The following DNMBP variants were observed in gnomAD, a reference collection of about 807,000 sequenced individuals.
The protein encoded by DNMBP is dynamin-binding protein.
DNMBP carries 87 observed loss-of-function variants against 150.0 expected under a neutral mutation model. That is an observed-to-expected ratio of 0.58 (90% confidence interval 0.49 to 0.69). The LOEUF (loss-of-function observed/expected upper bound fraction) is 0.69. DNMBP is among the 30% of genes least tolerant of loss of function. The pLI is 0.00. For missense variants in DNMBP, 1,774 were observed against 1,949.0 expected (o/e 0.91, Z 1.69); for synonymous variants, 711 against 750.4 (o/e 0.95, Z 0.86).
chr10:99,941,183 C>T (rs901184719), intron 4 of DNMBP, among the ~76,000 whole-genome samples: 14 of 152,038 alleles, frequency 9.2e-5, no homozygotes, highest in South Asian at 2.1e-4. Context: ...CCGCACCTGG[C>T]GTCACTTGCC....
intron 2 of DNMBP, 120 bp downstream of exon 2, chr10:99,971,860 C>CTTTCT (rs1554872038): frequency 1.8e-4 from 127 of 706,588 alleles, no homozygotes; most frequent in Non-Finnish European, 2.2e-4. Flanking sequence ...TTCTTTCTTT[C>CTTTCT]TTTTTTTTTT....
At chr10:99,937,644 T>TAC (rs1449303273) in intron 4 of DNMBP, among the ~76,000 whole-genome samples, 5 of 152,188 alleles carry the variant, frequency 3.3e-5, no homozygotes, top group African/African-American at 1.2e-4. Flanking sequence ...GCAAGCCATG[T>TAC]ACACCCCAAC....
chr10:99,970,963 C>A (rs1358327565), intron 2 of DNMBP, among the ~76,000 whole-genome samples: 17 of 57,950 alleles, frequency 2.9e-4, no homozygotes, highest in Non-Finnish European at 5.4e-4. Flanking sequence ...CAGAGCAAGA[C>A]TCCGTCTCAA....
intron 4 of DNMBP, among the ~76,000 whole-genome samples, chr10:99,947,565 TGGAG>T (rs551358082): frequency 0.017 from 1,838 of 111,038 alleles, 42 homozygotes; most frequent in African/African-American, 0.054. Context: ...TACAGGACAA[TGGAG>T]GGAGGGAGGG....
At chr10:99,877,837 C>T (rs1399537383) in intron 16 of DNMBP, among the ~76,000 whole-genome samples, 2 of 152,048 alleles carry the variant, frequency 1.3e-5, no homozygotes, top group East Asian at 3.9e-4. Flanking sequence ...GGACTCCAGA[C>T]CCTGGGCGAC....
At position 99,983,527 on chromosome 10, in the gene DNMBP, G is replaced by T. The variant is rs529936665; in HGVS notation, c.-10-11393C>A. ...AGCCAGGTTCCTCAGAGATTCTTCAGATAACTAGCAACAGATGAGGGAAAA... is the reference window on the plus strand; with the variant it reads ...AGCCAGGTTCCTCAGAGATTCTTCATATAACTAGCAACAGATGAGGGAAAA... On this transcript the variant is annotated intron_variant, in intron 1 of 16. Transcript: ENST00000324109. Among the ~76,000 whole-genome samples the T allele has an allele frequency of 1.6e-4, 24 of 152,210 alleles. 1 individual carries two copies. The highest frequency in any genetic ancestry group is 1.6e-3 in the Admixed American group (24 of 15,274).
chr10:99,967,729 A>G (rs954102692), intron 3 of DNMBP, among the ~76,000 whole-genome samples: 1 of 151,636 alleles, frequency 6.6e-6, no homozygotes, highest in Non-Finnish European at 1.5e-5. Context: ...TAAGAAATGA[A>G]GCCTGTCCCT....
intron 4 of DNMBP, among the ~76,000 whole-genome samples, chr10:99,948,511 A>G (rs1316528668): frequency 1.3e-5 from 2 of 152,188 alleles, no homozygotes; most frequent in African/African-American, 4.8e-5. Flanking sequence ...AGATTTTCCA[A>G]ATACTATGAC....
At chr10:99,936,937 C>T (rs554401911) in intron 4 of DNMBP, among the ~76,000 whole-genome samples, 1 of 152,044 alleles carries the variant, frequency 6.6e-6, no homozygotes, top group African/African-American at 2.4e-5. Flanking sequence ...GTTACTCTGT[C>T]ACCCAGGCTG....
chr10:99,960,233 A>G (rs1280627080), intron 3 of DNMBP, among the ~76,000 whole-genome samples: 4 of 152,196 alleles, frequency 2.6e-5, no homozygotes, highest in Non-Finnish European at 5.9e-5. Context: ...CTGTTTTATA[A>G]CAAACTCTTG....
intron 3 of DNMBP, among the ~76,000 whole-genome samples, chr10:99,967,691 G>T (rs1408516602): frequency 6.6e-6 from 1 of 151,236 alleles, no homozygotes; most frequent in African/African-American, 2.4e-5. Context: ...GTGTGTGTGT[G>T]TGTGTGTGGG....
chr10:99,904,304 A>G (rs2039790405), intron 6 of DNMBP, among the ~76,000 whole-genome samples: 1 of 152,130 alleles, frequency 6.6e-6, no homozygotes. Context: ...AGACATACAC[A>G]GAAACACACA....
At chr10:99,985,940 C>T (rs561460906) in intron 1 of DNMBP, among the ~76,000 whole-genome samples, 19 of 152,060 alleles carry the variant, frequency 1.2e-4, no homozygotes, top group Admixed American at 5.9e-4. Context: ...TTTGTAGAGA[C>T]GGGTTTCATC....
intron 13 of DNMBP, 99 bp downstream of exon 13, chr10:99,886,201 T>A: frequency 1.0e-6 from 1 of 993,350 alleles, no homozygotes; most frequent in Non-Finnish European, 1.5e-6. Context: ...TCAGTTTATC[T>A]AATTCAGATA....
chr10:99,966,379 T>C lies in DNMBP; in HGVS notation c.268+2736A>G, dbSNP rs189702298. Among the ~76,000 whole-genome samples, 199 of 152,354 alleles carry C rather than the reference T, an allele frequency of 1.3e-3. 1 individual carries two copies. The Middle Eastern group carries it at 0.017, about 13-fold the overall frequency. ...CATCTTTAAGCTTATTAGGCTTAAC[T>C]GGTTAAAAGGTAGTCAAGATAAAAT... On this transcript the variant is annotated intron_variant, in intron 3 of 16. Coordinates refer to ENST00000324109, the MANE Select transcript of DNMBP (RefSeq NM_015221.4).
intron 4 of DNMBP, among the ~76,000 whole-genome samples, chr10:99,919,356 T>C (rs2039997806): frequency 6.6e-6 from 1 of 152,238 alleles, no homozygotes; most frequent in East Asian, 1.9e-4. Context: ...TCCTACTCTA[T>C]AAAAATCACT....
intron 15 of DNMBP, among the ~76,000 whole-genome samples, chr10:99,881,707 T>C (rs887749899): frequency 2.6e-5 from 4 of 152,230 alleles, no homozygotes; most frequent in African/African-American, 9.6e-5. Context: ...ACCCCAGCAG[T>C]AGCTGTCACC....
At position 99,880,214 on chromosome 10, in the gene DNMBP, G is replaced by T; in HGVS notation, c.4145C>A (p.Thr1382Asn). 1 of 1,614,178 alleles carries T rather than the reference G, an allele frequency of 6.2e-7. No homozygotes were observed. Among genetic ancestry groups the T allele is most frequent in the Non-Finnish European group, 8.5e-7 (1 of 1,180,022 alleles). Residue 1382 changes from threonine (T) to asparagine (N), a missense_variant, in exon 16 of 17, where the codon ACC (threonine) becomes AAC (asparagine). This residue lies in a region of DNMBP where 1,430 missense variants were observed against 1,492.5 expected (regional missense o/e 0.96). Coordinates refer to ENST00000324109, the MANE Select transcript of DNMBP (RefSeq NM_015221.4). The part of the protein sequence containing the change: ...PRFPRQNSGS[T>N]LTFNPSSMAV... ...CATGCTGCTGGGGTTGAAGGTCAGG[G>T]TGCTGCCGCTGTTCTGGCGTGGGAA...
intron 4 of DNMBP, among the ~76,000 whole-genome samples, chr10:99,922,527 T>TTTTTAAAA (rs1554864053): frequency 1.3e-5 from 1 of 78,966 alleles, no homozygotes; most frequent in Non-Finnish European, 2.2e-5. Flanking sequence ...TTTTTTTTCT[T>TTTTTAAAA]AAAAAAAAAA....
Sources: allele counts gnomAD v4.1 joint callset (sites outside exome capture counted in the v4.1 genomes callset), GRCh38; gene constraint gnomAD v4.1.1; regional missense constraint gnomAD v4.1.1; transcripts MANE v1.5; gene names NCBI Gene and HGNC (gene_info 2026-07-23, HGNC 2026-07-21).